The following CAMKMT variants were observed in gnomAD, a reference collection of about 807,000 sequenced individuals.
CAMKMT encodes CaM KMT.
CAMKMT carries 53 observed loss-of-function variants against 48.0 expected under a neutral mutation model. That is an observed-to-expected ratio of 1.10 (90% CI 0.89 to 1.39). CAMKMT has a LOEUF of 1.39. Ranked by LOEUF, CAMKMT falls within the 40% of genes most tolerant of loss-of-function variation. The pLI is 0.00. For synonymous variants in CAMKMT, 165 were observed against 152.3 expected, an observed-to-expected ratio of 1.08 and a Z score of -0.61; for missense variants, 428 against 402.7, an observed-to-expected ratio of 1.06 and a Z score of -0.54.
At chr2:44,405,103 A>C (rs1053885374) in intron 3 of CAMKMT, among the ~76,000 whole-genome samples, 1 of 152,046 alleles carries the variant, frequency 6.6e-6, no homozygotes. Context: ...TTCTATCTCT[A>C]TGTTTTTGTG....
At chr2:44,404,065 T>C (rs1682613988) in intron 3 of CAMKMT, among the ~76,000 whole-genome samples, 1 of 152,180 alleles carries the variant, frequency 6.6e-6, no homozygotes, top group Admixed American at 6.5e-5. Flanking sequence ...GTTATAACTA[T>C]GTCTAAATCA....
At position 44,543,280 on chromosome 2, in the gene CAMKMT, A is replaced by G. The variant is rs544651649; in HGVS notation, c.376+152975A>G. 1.2e-4 allele frequency among the ~76,000 whole-genome samples: 18 copies of G among 152,268 alleles called. No individual in the cohort carries two copies. The East Asian group carries it at 2.5e-3, about 21-fold the overall frequency. ...TCATTTAGTGCCTTTTAGAGCCTCT[A>G]TTTCTTCCAGTATGATTTCTGCCGT... On this transcript the variant is annotated intron_variant, in intron 3 of 10. Transcript: ENST00000378494.
intron 3 of CAMKMT, among the ~76,000 whole-genome samples, chr2:44,536,512 G>A (rs1273069268): frequency 6.6e-6 from 1 of 151,792 alleles, no homozygotes; most frequent in East Asian, 1.9e-4. Context: ...ATTTTTAGTA[G>A]AGATGGGGTT....
At chr2:44,610,366 A>C (rs755538187) in intron 3 of CAMKMT, among the ~76,000 whole-genome samples, 4 of 152,190 alleles carry the variant, frequency 2.6e-5, no homozygotes, top group South Asian at 2.1e-4. Context: ...AGCAGAATAA[A>C]GGGAAGAATA....
In CAMKMT at chr2:44,378,330, C is replaced by G. The variant is rs17580375; in HGVS notation, c.311+5442C>G. ...TTGAAATGTTCCCTTAAACATTTTC[C>G]AAATCCCAATATAGTACATGTAGAA... On this transcript the variant is annotated intron_variant, in intron 2 of 10. Transcript: ENST00000378494. 1.2e-3 allele frequency among the ~76,000 whole-genome samples: 176 copies of G among 152,248 alleles called. 2 individuals carry two copies. The East Asian group carries it at 0.015, about 13-fold the overall frequency.
intron 3 of CAMKMT, among the ~76,000 whole-genome samples, chr2:44,439,239 A>G (rs1266817676): frequency 1.3e-5 from 2 of 152,174 alleles, no homozygotes; most frequent in Non-Finnish European, 2.9e-5. Context: ...TTATTATACT[A>G]CATTCTTTCT....
At chr2:44,669,409 A>C (rs1675202613) in intron 3 of CAMKMT, among the ~76,000 whole-genome samples, 1 of 152,198 alleles carries the variant, frequency 6.6e-6, no homozygotes, top group African/African-American at 2.4e-5. Flanking sequence ...GGCTCCTAGC[A>C]CATGTGTGCA....
intron 3 of CAMKMT, among the ~76,000 whole-genome samples, chr2:44,489,288 C>T (rs1669370020): frequency 6.8e-6 from 1 of 146,192 alleles, no homozygotes; most frequent in East Asian, 2.0e-4. Flanking sequence ...CTCTGTCGCC[C>T]AGGCTGGAGT....
At chr2:44,736,574 T>C (rs1255283706) in intron 7 of CAMKMT, among the ~76,000 whole-genome samples, 2 of 152,202 alleles carry the variant, frequency 1.3e-5, no homozygotes, top group Non-Finnish European at 2.9e-5. Context: ...AGGACATTTT[T>C]CAGCCATTAT....
chr2:44,432,900 G>C (rs375768435), intron 3 of CAMKMT, among the ~76,000 whole-genome samples: 17 of 151,972 alleles, frequency 1.1e-4, no homozygotes, highest in African/African-American at 4.1e-4. Flanking sequence ...AATTTTCCGT[G>C]GCTATTGTGA....
At chr2:44,436,632 A>G (rs766500328) in intron 3 of CAMKMT, among the ~76,000 whole-genome samples, 6 of 152,190 alleles carry the variant, frequency 3.9e-5, no homozygotes, top group South Asian at 2.1e-4. Flanking sequence ...AGGGCCATAC[A>G]AAAACATTCT....
chr2:44,579,660 C>T (rs1044730134), intron 3 of CAMKMT, among the ~76,000 whole-genome samples: 4 of 152,182 alleles, frequency 2.6e-5, no homozygotes, highest in African/African-American at 9.7e-5. Context: ...TTGAGCATTG[C>T]TGCCCTCCCC....
chr2:44,568,849 C>T (rs140482450), intron 3 of CAMKMT, among the ~76,000 whole-genome samples: 37 of 152,228 alleles, frequency 2.4e-4, no homozygotes, highest in African/African-American at 7.0e-4. Flanking sequence ...GAGGCTAGTG[C>T]GGAAGCCCAG....
At chr2:44,761,306 G>A (rs774051464) in intron 9 of CAMKMT, among the ~76,000 whole-genome samples, 1 of 152,162 alleles carries the variant, frequency 6.6e-6, no homozygotes, top group South Asian at 2.1e-4. Flanking sequence ...AACAGATGGG[G>A]GATGTGATGA....
At chr2:44,366,950 C>T (rs745597429) in intron 1 of CAMKMT, among the ~76,000 whole-genome samples, 3 of 152,034 alleles carry the variant, frequency 2.0e-5, no homozygotes, top group Non-Finnish European at 2.9e-5. Context: ...GTCTCGAACT[C>T]CTGAGCTCAA....
intron 3 of CAMKMT, among the ~76,000 whole-genome samples, chr2:44,644,683 T>G (rs13388171): frequency 0.41 from 61,730 of 152,084 alleles, 14,594 homozygotes; most frequent in Middle Eastern, 0.55. Flanking sequence ...ATTATTCTGT[T>G]TTTGGTTAGG....
intron 3 of CAMKMT, among the ~76,000 whole-genome samples, chr2:44,392,520 T>C (rs551693163): frequency 2.0e-5 from 3 of 152,048 alleles, no homozygotes; most frequent in African/African-American, 4.8e-5. Flanking sequence ...AATAGTGATA[T>C]TGAGTTTGTG....
At chr2:44,515,551 C>T (rs1159037182) in intron 3 of CAMKMT, among the ~76,000 whole-genome samples, 2 of 152,190 alleles carry the variant, frequency 1.3e-5, no homozygotes, top group Non-Finnish European at 2.9e-5. Flanking sequence ...AGGACTTACT[C>T]TGTTACATGA....
intron 3 of CAMKMT, among the ~76,000 whole-genome samples, chr2:44,652,074 A>G (rs1674101627): frequency 6.6e-6 from 1 of 152,188 alleles, no homozygotes; most frequent in African/African-American, 2.4e-5. Context: ...CTGTCTCATC[A>G]TTCACTGTAG....
Sources: gnomAD v4.1 joint callset for allele counts (sites outside exome capture counted in the v4.1 genomes callset) on GRCh38, gnomAD v4.1.1 for gene constraint, MANE v1.5 for transcripts, NCBI Gene and HGNC (gene_info 2026-07-23, HGNC 2026-07-21) for gene names.